PTPN12: variants seen among roughly 807,000 people sequenced by gnomAD.
PTPN12 encodes the protein protein tyrosine phosphatase non-receptor type 12.
Under a neutral mutation model 97.6 loss-of-function variants are expected in PTPN12, and 29 were observed. That is an observed-to-expected ratio of 0.30 (90% CI 0.22 to 0.41). The LOEUF is 0.41. Ranked by LOEUF, PTPN12 falls within the 10% of genes least tolerant of loss-of-function variation. The pLI, the probability that PTPN12 is intolerant of heterozygous loss-of-function variation, is 1.00. For missense variants in PTPN12, 819 were observed against 926.0 expected, an observed-to-expected ratio of 0.88 and a Z score of 1.50; for synonymous variants, 327 against 300.4, an observed-to-expected ratio of 1.09 and a Z score of -0.91.
chr7:77,629,617 G>C (rs979551206), intron 13 of PTPN12, among the ~76,000 whole-genome samples: 24 of 151,826 alleles, frequency 1.6e-4, no homozygotes, highest in Non-Finnish European at 7.4e-5. Context: ...GGGCCAGAAA[G>C]ATGTATGATG....
chr7:77,628,735 G>A (rs1282492427), intron 13 of PTPN12, among the ~76,000 whole-genome samples: 4 of 151,708 alleles, frequency 2.6e-5, no homozygotes, highest in Admixed American at 1.3e-4. Context: ...ACAGGGTTTC[G>A]ATATGTTTGC....
At chr7:77,612,186 G>C (rs1173466897) in intron 11 of PTPN12, among the ~76,000 whole-genome samples, 1 of 152,108 alleles carries the variant, frequency 6.6e-6, no homozygotes, top group African/African-American at 2.4e-5. Context: ...ATTACCAAAT[G>C]CTGATCTCAG....
At chr7:77,556,907 A>G (rs1807741205) in intron 1 of PTPN12, among the ~76,000 whole-genome samples, 1 of 152,170 alleles carries the variant, frequency 6.6e-6, no homozygotes, top group Non-Finnish European at 1.5e-5. Context: ...TCCTGGAGGT[A>G]AAACAAAAAT....
At position 77,638,732 on chromosome 7, in the gene PTPN12, G is replaced by A; in HGVS notation, c.2281+1G>A. 6.3e-7 allele frequency: 1 copy of A among 1,593,108 alleles called. No homozygotes were observed. Among genetic ancestry groups the A allele is most frequent in the Non-Finnish European group, 8.5e-7 (1 of 1,173,636 alleles). ...AATCCAACAGAAGCCACAGATATTG[G>A]TAATTTGTTTAATAAATAATTTTTA... On this transcript the variant is annotated splice_donor_variant, in intron 17 of 17. Coordinates refer to ENST00000248594, the MANE Select transcript of PTPN12 (RefSeq NM_002835.4). LOFTEE classifies it high-confidence loss of function.
chr7:77,561,756 GT>G (rs1808004282), intron 1 of PTPN12, among the ~76,000 whole-genome samples: 2 of 91,904 alleles, frequency 2.2e-5, no homozygotes, highest in Non-Finnish European at 3.9e-5. Flanking sequence ...TTTACTGTAT[GT>G]TTTTAATTAA....
chr7:77,539,340 T>C (rs1806836799), intron 1 of PTPN12, among the ~76,000 whole-genome samples: 1 of 152,200 alleles, frequency 6.6e-6, no homozygotes, highest in South Asian at 2.1e-4. Context: ...TTATTCCTTA[T>C]TAAAAATAAA....
chr7:77,563,772 G>A (rs1808102011), intron 1 of PTPN12, among the ~76,000 whole-genome samples: 1 of 152,188 alleles, frequency 6.6e-6, no homozygotes, highest in Non-Finnish European at 1.5e-5. Context: ...GGCAGCAGTG[G>A]GTGAACAGTG....
intron 5 of PTPN12, among the ~76,000 whole-genome samples, chr7:77,591,530 A>G (rs1787866397): frequency 6.6e-6 from 1 of 152,176 alleles, no homozygotes; most frequent in South Asian, 2.1e-4. Context: ...ATTTGACTAC[A>G]CTTTCTGTAA....
intron 9 of PTPN12, among the ~76,000 whole-genome samples, chr7:77,608,391 A>T (rs534017373): frequency 2.0e-5 from 3 of 152,304 alleles, no homozygotes; most frequent in African/African-American, 7.2e-5. Context: ...TGTTGTTCCT[A>T]CTACTGCTTT....
intron 1 of PTPN12, among the ~76,000 whole-genome samples, chr7:77,565,265 T>TA (rs1385955299): frequency 1.3e-5 from 2 of 152,244 alleles, no homozygotes; most frequent in Non-Finnish European, 2.9e-5. Context: ...TGTGCTGATT[T>TA]AAAATCCAGC....
chr7:77,591,049 GAATTT>G (rs1324529465), intron 5 of PTPN12, among the ~76,000 whole-genome samples: 6 of 152,028 alleles, frequency 3.9e-5, no homozygotes, highest in African/African-American at 1.4e-4. Flanking sequence ...AAAAAAGAGA[GAATTT>G]AATTTAATCA....
chr7:77,611,593 C>T (rs1340760398), intron 11 of PTPN12, among the ~76,000 whole-genome samples: 7 of 152,112 alleles, frequency 4.6e-5, no homozygotes, highest in African/African-American at 1.4e-4. Context: ...TACAGGCGCA[C>T]GCCACTGTGC....
intron 8 of PTPN12, among the ~76,000 whole-genome samples, chr7:77,602,367 A>G (rs1026621007): frequency 6.6e-6 from 1 of 152,232 alleles, no homozygotes; most frequent in Admixed American, 6.5e-5. Flanking sequence ...TATGTAATAC[A>G]TAAAACAAAG....
chr7:77,587,707 C>T (rs1423218742), intron 5 of PTPN12, among the ~76,000 whole-genome samples: 1 of 152,156 alleles, frequency 6.6e-6, no homozygotes, highest in Non-Finnish European at 1.5e-5. Flanking sequence ...TTCTGAAAAT[C>T]CTAGATGGCA....
At chr7:77,548,888 G>A (rs1439298441) in intron 1 of PTPN12, among the ~76,000 whole-genome samples, 1 of 152,164 alleles carries the variant, frequency 6.6e-6, no homozygotes, top group Non-Finnish European at 1.5e-5. Context: ...AAGTTTCCAT[G>A]TCTCTGGGGC....
intron 11 of PTPN12, among the ~76,000 whole-genome samples, chr7:77,616,611 A>G: frequency 6.6e-6 from 1 of 152,222 alleles, no homozygotes; most frequent in African/African-American, 2.4e-5. Context: ...TACAAAAGAA[A>G]AATGCTGTTT....
intron 8 of PTPN12, among the ~76,000 whole-genome samples, chr7:77,606,675 G>C (rs1788383145): frequency 6.6e-6 from 1 of 152,258 alleles, no homozygotes; most frequent in Admixed American, 6.5e-5. Context: ...GAAAATTTCA[G>C]AAGTAAACAC....
Position 77,625,472 on chromosome 7 carries a change from G to GCTCGCGCGCGCGCTCTCT in PTPN12, c.1026-1230_1026-1229insGCGCGCGCGCTCTCTCTC. ...TTTTGCCATATTGCCCAGGCTGCTC[G>GCTCGCGCGCGCGCTCTCT]CTCTCTCTCTCTCTCTCTCTCTCTC... On this transcript the variant is annotated intron_variant, in intron 12 of 17. Coordinates refer to ENST00000248594, the MANE Select transcript of PTPN12 (RefSeq NM_002835.4). 1.3e-3 allele frequency among the ~76,000 whole-genome samples: 42 copies of GCTCGCGCGCGCGCTCTCT among 33,530 alleles called. 5 individuals carry two copies. The highest frequency in any genetic ancestry group is 3.0e-3 in the Admixed American group (6 of 1,984). The allele number at this position is 33,530 out of a possible 152,430, so 22.0% of individuals were successfully genotyped here.
At chr7:77,629,283 G>A (rs1178782272) in intron 13 of PTPN12, among the ~76,000 whole-genome samples, 1 of 152,196 alleles carries the variant, frequency 6.6e-6, no homozygotes. Context: ...TTAAATTACA[G>A]AATTATCTTT....
Sources: allele counts gnomAD v4.1 joint callset (sites outside exome capture counted in the v4.1 genomes callset), GRCh38; gene constraint gnomAD v4.1.1; transcripts MANE v1.5; gene names NCBI Gene and HGNC (gene_info 2026-07-23, HGNC 2026-07-21).